The following DNAJC16 variants were observed in gnomAD, a reference collection of about 807,000 sequenced individuals.
The protein encoded by DNAJC16 is dnaJ homolog subfamily C member 16.
In DNAJC16, 76 loss-of-function variants were observed where a neutral mutation model predicts 92.7. That is an observed-to-expected ratio of 0.82 (90% confidence interval 0.68 to 0.99). The LOEUF is 0.99. Ranked by LOEUF, DNAJC16 falls within the 50% of genes least tolerant of loss-of-function variation. DNAJC16 has a pLI of 0.00. For missense variants in DNAJC16, 869 were observed against 942.4 expected (o/e 0.92, Z 1.02); for synonymous variants, 328 against 358.7 (o/e 0.91, Z 0.97).
chr1:15,551,169 C>G (rs1349822408), intron 7 of DNAJC16, among the ~76,000 whole-genome samples: 3 of 152,174 alleles, frequency 2.0e-5, no homozygotes, highest in African/African-American at 7.2e-5. Context: ...CGTGCCCGGC[C>G]TCACCTTATA....
Position 15,562,285 on chromosome 1 carries a change from C to T in DNAJC16, c.1298C>T (p.Thr433Ile). Residue 433 changes from threonine (T) to isoleucine (I), a missense_variant, in exon 9 of 15, where the codon ACC becomes ATC. Thr to Ile is a moderately conservative substitution (Grantham distance 89). Coordinates refer to ENST00000375847, the MANE Select transcript of DNAJC16 (RefSeq NM_015291.4). ...YSNRQQEFAD[T>I]LLPDSEAFQG... The stretch of plus-strand genomic sequence containing the variant: ...AATCGGCAGCAGGAGTTTGCCGACA[C>T]CTTACTACCAGACAGTGAGGCGTTT... 6.2e-7 allele frequency: 1 copy of T among 1,613,972 alleles called. No individual in the cohort carries two copies. Among genetic ancestry groups the T allele is most frequent in the Non-Finnish European group, 8.5e-7 (1 of 1,179,888 alleles).
At chr1:15,565,466 A>C (rs1432237685) in intron 11 of DNAJC16, 1 of 178,004 alleles carries the variant, frequency 5.6e-6, no homozygotes, top group Non-Finnish European at 1.2e-5. Context: ...AGGTACATAA[A>C]ATTTCAGAAC....
chr1:15,568,477 A>C lies in DNAJC16; in HGVS notation c.*300A>C, dbSNP rs1570935013. ...CCTTTCTTGTCCTTGTCCCATGCTC[A>C]CCCCACCCTCCTGTCCTGTGTCTTG... On this transcript the variant is annotated 3_prime_UTR_variant, in exon 15 of 15. Coordinates refer to ENST00000375847, the MANE Select transcript of DNAJC16 (RefSeq NM_015291.4). 2 of 483,848 alleles carry C rather than the reference A, an allele frequency of 4.1e-6. No homozygotes were observed. The highest frequency in any genetic ancestry group is 7.2e-6 in the Non-Finnish European group (2 of 276,422). The allele number at this position is 483,848 out of a possible 1,614,324, so 30.0% of individuals were successfully genotyped here.
intron 8 of DNAJC16, among the ~76,000 whole-genome samples, chr1:15,560,841 A>AG (rs1413678804): frequency 6.6e-6 from 1 of 151,884 alleles, no homozygotes; most frequent in African/African-American, 2.4e-5. Flanking sequence ...CCCCCCTGGC[A>AG]GCCTTCTAAC....
rs1441429208 is a variant in DNAJC16 at position 15,567,345 on chromosome 1, T to C, written c.1949+76T>C. On this transcript the variant is annotated intron_variant, in intron 14 of 14. Coordinates refer to ENST00000375847, the MANE Select transcript of DNAJC16 (RefSeq NM_015291.4). ...CAGGCACACTGAAATTGCACGCTTT[T>C]CTCTTTGGTCTTGTGGGGCTTCATC... 19 of 1,472,250 alleles carry C rather than the reference T, an allele frequency of 1.3e-5. No individual in the cohort carries two copies. In the Admixed American group the frequency reaches 3.3e-4, roughly 26 times the overall value. 91.2% of individuals were successfully genotyped at this position (1,472,250 alleles called of 1,614,324 possible). A position where few individuals can be genotyped will look rare whatever the true frequency, so the allele number is the denominator to read the frequency against.
chr1:15,564,149 G>A lies in DNAJC16; in HGVS notation c.1521+38G>A, dbSNP rs373558461. ...GCTGGGAAGGGTGGGACACCAGGAG[G>A]GCTTGTGAGTACACAGTGCTGGTGG... On this transcript the variant is annotated intron_variant, in intron 10 of 14. Coordinates refer to ENST00000375847, the MANE Select transcript of DNAJC16 (RefSeq NM_015291.4). 1.1e-4 allele frequency: 179 copies of A among 1,610,714 alleles called. No individual in the cohort carries two copies. In the African/African-American group the frequency reaches 2.2e-3, roughly 20 times the overall value.
intron 2 of DNAJC16, 119 bp downstream of exon 2, chr1:15,529,391 C>A (rs1570894975): frequency 9.7e-7 from 1 of 1,025,748 alleles, no homozygotes; most frequent in Non-Finnish European, 1.3e-6. Flanking sequence ...ATATATCTGT[C>A]TAAAATATTT....
At chr1:15,542,424 T>G (rs2103410653) in intron 4 of DNAJC16, 1 of 152,396 alleles carries the variant, frequency 6.6e-6, no homozygotes, top group African/African-American at 2.4e-5. Flanking sequence ...GAGGGCAGGA[T>G]GCTCCCACCC....
intron 4 of DNAJC16, among the ~76,000 whole-genome samples, chr1:15,540,481 G>A (rs1385583645): frequency 1.3e-5 from 2 of 151,966 alleles, no homozygotes; most frequent in African/African-American, 2.4e-5. Context: ...CACGTTAATC[G>A]TCACAGATCC....
At chr1:15,532,983 G>A (rs1356540667) in intron 2 of DNAJC16, among the ~76,000 whole-genome samples, 1 of 152,118 alleles carries the variant, frequency 6.6e-6, no homozygotes, top group Non-Finnish European at 1.5e-5. Context: ...TGTGCTTGGT[G>A]TATCGTTAAT....
chr1:15,558,284 C>T (rs1638616252), intron 7 of DNAJC16, among the ~76,000 whole-genome samples: 1 of 150,512 alleles, frequency 6.6e-6, no homozygotes. Context: ...TGGGCTCAAG[C>T]AGTCCTCCCA....
chr1:15,540,726 C>T (rs1570906848), intron 4 of DNAJC16, among the ~76,000 whole-genome samples: 3 of 152,192 alleles, frequency 2.0e-5, no homozygotes, highest in South Asian at 2.1e-4. Context: ...CATGAATCAC[C>T]GTGCCCAGCC....
rs989938540 is a variant in DNAJC16 at position 15,544,548 on chromosome 1, G to A, written c.724G>A (p.Val242Ile). The A allele has an allele frequency of 4.3e-6, 7 of 1,614,014 alleles. No homozygotes were observed. Among genetic ancestry groups the A allele is most frequent in the African/African-American group, 2.7e-5 (2 of 74,924 alleles). ...TGTCCGTGAAAATCTGCGACAATTT[G>A]TAGAAAGTCTTCTTCCAGGGAACTT... ...AVVRENLRQFVESLLPGNLVE... is the reference protein window; with the variant it reads ...AVVRENLRQFIESLLPGNLVE... The change falls in exon 5 of 15, where the codon GTA becomes ATA. Residue 242 changes from valine (V) to isoleucine (I), a missense_variant. Physicochemically the swap from Val to Ile is conservative, Grantham distance 29. Transcript: ENST00000375847.
At chr1:15,560,647 C>A (rs1286561611) in intron 8 of DNAJC16, among the ~76,000 whole-genome samples, 1 of 152,064 alleles carries the variant, frequency 6.6e-6, no homozygotes, top group Non-Finnish European at 1.5e-5. Context: ...TGTGTCTAGG[C>A]TTTTCAGATT....
chr1:15,534,347 A>G (rs776323880), intron 3 of DNAJC16, 44 bp downstream of exon 3: 11 of 1,599,702 alleles, frequency 6.9e-6, no homozygotes, highest in South Asian at 1.1e-5. Context: ...CTCTTACAAA[A>G]TATGCCTTAG....
Position 15,568,169 on chromosome 1 carries a change from C to A in DNAJC16, c.2341C>A (p.Leu781Ile). 1 of 1,603,910 alleles carries A rather than the reference C, an allele frequency of 6.2e-7. No homozygotes were observed. The highest frequency in any genetic ancestry group is 2.2e-5 in the East Asian group (1 of 44,690). ...GTTTTATATCCCATCATGGCCTGAA[C>A]TAGACTGAGAGGATTTTCCAAAGAG... ...QRFYIPSWPELD is the reference protein window; with the variant it reads ...QRFYIPSWPEID The change falls in exon 15 of 15, where the codon CTA becomes ATA. Residue 781 changes from leucine (L) to isoleucine (I), a missense_variant. Coordinates refer to ENST00000375847, the MANE Select transcript of DNAJC16 (RefSeq NM_015291.4).
Position 15,562,208 on chromosome 1 carries a change from C to T in DNAJC16, c.1221C>T (p.Ser407=). Residue 407 remains serine (S), a synonymous_variant, in exon 9 of 15, where the codon TCC becomes TCT. Coordinates refer to ENST00000375847, the MANE Select transcript of DNAJC16 (RefSeq NM_015291.4). ...KLSKPFEAFL[S]FALANTQDTV... is the part of the protein sequence containing the mutation. ...GCAAACCCTTTGAGGCTTTCCTGTC[C>T]TTTGCCCTGGCAAACACTCAAGACA... 6.2e-7 allele frequency: 1 copy of T among 1,614,114 alleles called. No homozygotes were observed. The highest frequency in any genetic ancestry group is 8.5e-7 in the Non-Finnish European group (1 of 1,179,984).
chr1:15,529,910 TAATACCTAATAC>T (rs1470026050), intron 2 of DNAJC16, among the ~76,000 whole-genome samples: 1 of 152,210 alleles, frequency 6.6e-6, no homozygotes, highest in Non-Finnish European at 1.5e-5. Flanking sequence ...AGCTTACTTA[TAATACCTAATAC>T]AATGTAACTG....
At chr1:15,559,784 C>G in intron 8 of DNAJC16, 128 bp downstream of exon 8, 2 of 1,350,780 alleles carry the variant, frequency 1.5e-6, no homozygotes, top group East Asian at 5.0e-5. Context: ...AAATACTGGG[C>G]CGGGCATGGT....
Sources: gnomAD v4.1 joint callset for allele counts (sites outside exome capture counted in the v4.1 genomes callset) on GRCh38, gnomAD v4.1.1 for gene constraint, MANE v1.5 for transcripts, NCBI Gene and HGNC (gene_info 2026-07-23, HGNC 2026-07-21) for gene names.